Variants in SLC4A1 observed in about 807,000 individuals in gnomAD.
The protein encoded by SLC4A1 is solute carrier family 4 member 1 (Diego blood group).
A neutral mutation model predicts 93.1 loss-of-function variants in SLC4A1; 29 were observed. That is an observed-to-expected ratio of 0.31 (90% CI 0.23 to 0.42). The LOEUF (loss-of-function observed/expected upper bound fraction) is 0.42. Among genes scored for constraint, SLC4A1 ranks in the 20% least tolerant of loss-of-function variants. The pLI, the probability that SLC4A1 is intolerant of heterozygous loss-of-function variation, is 1.00. For synonymous variants in SLC4A1, 469 were observed against 497.2 expected, an observed-to-expected ratio of 0.94 and a Z score of 0.76; for missense variants, 965 against 1,190.1, an observed-to-expected ratio of 0.81 and a Z score of 2.78.
At position 44,260,694 on chromosome 17, in the gene SLC4A1, G is replaced by A. The variant is rs879167300; in HGVS notation, c.290C>T (p.Pro97Leu). The A allele has an allele frequency of 3.7e-6, 6 of 1,614,020 alleles. No homozygotes were observed. In the African/African-American group the frequency reaches 5.3e-5, roughly 14 times the overall value. Residue 97 changes from proline (P) to leucine (L), a missense_variant, in exon 5 of 20, where the codon CCG becomes CTG. Physicochemically the swap from Pro to Leu is moderately conservative, Grantham distance 98. Transcript: ENST00000262418. ...NLGENGAWGR[P>L]HLSHLTFWSL... The stretch of plus-strand genomic sequence containing the variant: ...CCAGAAGGTGAGGTGAGAGAGGTGC[G>A]GGCGGCCCCAGGCCCCATTCTCCCC...
chr17:44,261,773 C>G (rs550178580), intron 3 of SLC4A1, 137 bp from the exon 4 acceptor site: 4 of 1,495,370 alleles, frequency 2.7e-6, no homozygotes, highest in Non-Finnish European at 2.8e-6. Context: ...TCTCTGGTGC[C>G]GCATCCCACA....
chr17:44,261,913 G>A, intron 3 of SLC4A1: 1 of 1,077,726 alleles, frequency 9.3e-7, no homozygotes, highest in Admixed American at 3.1e-5. Flanking sequence ...GTGATGAAGT[G>A]AAGGGACCTC....
At position 44,258,288 on chromosome 17, in the gene SLC4A1, G is replaced by T. The variant is rs1003424006; in HGVS notation, c.1088-108C>A. 1.3e-5 allele frequency: 19 copies of T among 1,418,874 alleles called. No homozygotes were observed. The highest frequency in any genetic ancestry group is 1.9e-5 in the Non-Finnish European group (19 of 1,004,876). The allele number at this position is 1,418,874 out of a possible 1,614,324, so 87.9% of individuals were successfully genotyped here. ...TGTCTGATGGGAATGGGGCGGCGAAGAAGTCTGGAAGATGTGGGCAAAGGG... is the reference window on the plus strand; with the variant it reads ...TGTCTGATGGGAATGGGGCGGCGAATAAGTCTGGAAGATGTGGGCAAAGGG... On this transcript the variant is annotated intron_variant, in intron 10 of 19. Transcript: ENST00000262418. The surrounding 1 kb of genome is among the most constrained non-coding windows in gnomAD (Gnocchi z 6.1).
At chr17:44,260,916 C>G in intron 4 of SLC4A1, 101 bp from the exon 5 acceptor site, 1 of 1,372,096 alleles carries the variant, frequency 7.3e-7, no homozygotes, top group Non-Finnish European at 1.0e-6. Context: ...AGGCTTGGAT[C>G]CCTGTGCTCA....
intron 17 of SLC4A1, 134 bp from the exon 18 acceptor site, chr17:44,251,722 TTTTTTTTTTTTTTTTTTG>T: frequency 1.7e-6 from 1 of 578,508 alleles, no homozygotes; most frequent in Non-Finnish European, 2.9e-6. Context: ...TTTCTTTTCT[TTTTTTTTTTTTTTTTTTG>T]TTTTTTTTTT....
In SLC4A1 at chr17:44,257,567, C is replaced by T. The variant is rs186492140; in HGVS notation, c.1432-23G>A. ...GAACTGCAGGGTGGTCAGAAGAAGC[C>T]GGTCAGTCAAAGGGTCTTGGGGCAA... On this transcript the variant is annotated intron_variant, in intron 12 of 19. Transcript: ENST00000262418. 8.9e-5 allele frequency: 144 copies of T among 1,613,664 alleles called. No individual in the cohort carries two copies. In the East Asian group the frequency reaches 2.3e-3, roughly 25 times the overall value.
At chr17:44,262,277 C>T (rs891594355) in intron 3 of SLC4A1, among the ~76,000 whole-genome samples, 2 of 152,160 alleles carry the variant, frequency 1.3e-5, no homozygotes, top group Non-Finnish European at 2.9e-5. Context: ...AGGAGGGTCC[C>T]CACAAGCCCC....
At chr17:44,265,765 C>T (rs558678913) in intron 1 of SLC4A1, among the ~76,000 whole-genome samples, 3 of 152,130 alleles carry the variant, frequency 2.0e-5, no homozygotes, top group South Asian at 4.2e-4. Flanking sequence ...GAAAATGCCA[C>T]GTGAGGGCAT....
At position 44,250,445 on chromosome 17, in the gene SLC4A1, C is replaced by T. The variant is rs765505487; in HGVS notation, c.*13G>A. On this transcript the variant is annotated 3_prime_UTR_variant, in exon 20 of 20. Transcript: ENST00000262418. ...GGAATGGTGGGGGAGGGTCTAGGGC[C>T]TGGGCCCGCCCCTCACACAGGCATG... 6.2e-7 allele frequency: 1 copy of T among 1,605,034 alleles called. No homozygotes were observed. Among genetic ancestry groups the T allele is most frequent in the South Asian group, 1.1e-5 (1 of 90,884 alleles).
chr17:44,258,494 C>G lies in SLC4A1; in HGVS notation c.1006G>C (p.Val336Leu). 6.2e-7 allele frequency: 1 copy of G among 1,613,988 alleles called. No individual in the cohort carries two copies. Among genetic ancestry groups the G allele is most frequent in the Admixed American group, 1.7e-5 (1 of 60,018 alleles). Residue 336 changes from valine (V) to leucine (L), a missense_variant, in exon 10 of 20, where the codon GTG (valine) becomes CTG (leucine). Around this residue, in one of 2 missense-constraint regions of SLC4A1, gnomAD observed 770 missense variants for 1,006.6 expected, o/e 0.76. Transcript: ENST00000262418. The surrounding 1 kb of genome is among the most constrained non-coding windows in gnomAD (Gnocchi z 6.1). ...APSEQALLSL[V>L]PVQRELLRRR... ...CGAAGTAGCTCCCTCTGCACAGGCACCAGACTGAGCAGTGCCTGCTCGGAG... is the reference window on the plus strand; with the variant it reads ...CGAAGTAGCTCCCTCTGCACAGGCAGCAGACTGAGCAGTGCCTGCTCGGAG...
chr17:44,261,966 C>G (rs1449389595), intron 3 of SLC4A1: 1 of 1,212,656 alleles, frequency 8.2e-7, no homozygotes, highest in Non-Finnish European at 1.0e-6. Flanking sequence ...TTTCAGGATC[C>G]TCCTAGGACC....
intron 13 of SLC4A1, 43 bp from the exon 14 acceptor site, chr17:44,255,889 G>T: frequency 1.2e-6 from 2 of 1,605,998 alleles, no homozygotes; most frequent in Middle Eastern, 1.7e-4. Flanking sequence ...CCCAGCTTTG[G>T]CTTGGGCTGG....
chr17:44,265,048 T>TGCCGAGCACTGGGGGCTGTGGGAGGGGGG (rs2047484200), intron 1 of SLC4A1, among the ~76,000 whole-genome samples: 1 of 44,896 alleles, frequency 2.2e-5, no homozygotes, highest in African/African-American at 9.5e-5. Context: ...TGGGAGGGGG[T>TGCCGAGCACTGGGGGCTGTGGGAGGGGGG]GCCGAGCACT....
At position 44,251,300 on chromosome 17, in the gene SLC4A1, G is replaced by A; in HGVS notation, c.2514C>T (p.Gly838=). Residue 838 remains glycine, a synonymous_variant, in exon 19 of 20, where the codon GGC becomes GGT. Transcript: ENST00000262418. ...VKTWRMHLFT[G]IQIICLAVLW... Reference sequence around the variant, plus strand: ...GCACTGCCAGGCAGATGATCTGGATGCCCGTGAATAAGTGCATGCGCCAGG... The same window carrying A: ...GCACTGCCAGGCAGATGATCTGGATACCCGTGAATAAGTGCATGCGCCAGG... 6.2e-7 allele frequency: 1 copy of A among 1,614,218 alleles called. No homozygotes were observed. Among genetic ancestry groups the A allele is most frequent in the South Asian group, 1.1e-5 (1 of 91,090 alleles).
intron 13 of SLC4A1, 26 bp from the exon 14 acceptor site, chr17:44,255,872 G>A (rs745815149): frequency 4.3e-6 from 7 of 1,613,556 alleles, no homozygotes; most frequent in Admixed American, 1.7e-5. Context: ...AAGGCATTCT[G>A]TTCTCTCCCA....
In SLC4A1 at chr17:44,257,485, G is replaced by C; in HGVS notation, c.1491C>G (p.Leu497=). The stretch of plus-strand genomic sequence containing the variant: ...CCACCACCAACACCACCAGCAGGAT[G>C]AGCCAGAAGCCGATCCACACGCGGC... The part of the protein sequence containing the change: ...IVGRVWIGFW[L]ILLVVLVVAF... Residue 497 remains leucine (L), a synonymous_variant, in exon 13 of 20, where the codon CTC becomes CTG. Transcript: ENST00000262418. 1 of 1,614,114 alleles carries C rather than the reference G, an allele frequency of 6.2e-7. No individual in the cohort carries two copies. The highest frequency in any genetic ancestry group is 1.3e-5 in the African/African-American group (1 of 75,010).
rs1165524790 is a variant in SLC4A1, at chr17:44,249,363, C to T, written c.*1095G>A. 1 of 306,448 alleles carries T rather than the reference C, an allele frequency of 3.3e-6. No individual in the cohort carries two copies. Among genetic ancestry groups the T allele is most frequent in the Non-Finnish European group, 6.4e-6 (1 of 157,214 alleles). The allele number at this position is 306,448 out of a possible 1,614,324, so 19.0% of individuals were successfully genotyped here. A position where few individuals can be genotyped will look rare whatever the true frequency, so the allele number is the denominator to read the frequency against. On this transcript the variant is annotated 3_prime_UTR_variant, in exon 20 of 20. Coordinates refer to ENST00000262418, the MANE Select transcript of SLC4A1 (RefSeq NM_000342.4). Reference sequence around the variant, plus strand: ...TTAGATGGAGTTGAGGATAATGGCTCTCAAATGAGGGGCCTGAAGTTGTGT... The same window carrying T: ...TTAGATGGAGTTGAGGATAATGGCTTTCAAATGAGGGGCCTGAAGTTGTGT...
Position 44,260,758 on chromosome 17 carries a change from T to G in SLC4A1, c.226A>C (p.Met76Leu), listed in dbSNP as rs752316872. The change falls in exon 5 of 20, where the codon ATG (methionine) becomes CTG (leucine). Residue 76 changes from methionine (M) to leucine (L), a missense_variant. Physicochemically the swap from Met to Leu is conservative, Grantham distance 15 (BLOSUM62 2). Transcript: ENST00000262418. ...AGTTGCACCCAGCGCGCCGCCTCCA[T>G]CCATCTCAGCTCCTGGTTCTTTTCG... Reference protein sequence around the residue: ...MDEKNQELRWMEAARWVQLEE... With the variant: ...MDEKNQELRWLEAARWVQLEE... 1.2e-6 allele frequency: 2 copies of G among 1,614,030 alleles called. No individual in the cohort carries two copies. The highest frequency in any genetic ancestry group is 1.7e-6 in the Non-Finnish European group (2 of 1,180,024).
In SLC4A1 at chr17:44,260,761, A is replaced by G. The variant is rs757668165; in HGVS notation, c.223T>C (p.Trp75Arg). ...TGCACCCAGCGCGCCGCCTCCATCC[A>G]TCTCAGCTCCTGGTTCTTTTCGTCC... ...VMDEKNQELR[W>R]MEAARWVQLE... Residue 75 changes from tryptophan (W) to arginine (R), a missense_variant, in exon 5 of 20, where the codon TGG (tryptophan) becomes CGG (arginine). Transcript: ENST00000262418. The G allele has an allele frequency of 6.2e-7, 1 of 1,613,954 alleles. No homozygotes were observed. The highest frequency in any genetic ancestry group is 1.1e-5 in the South Asian group (1 of 91,086).
Sources: allele counts gnomAD v4.1 joint callset (sites outside exome capture counted in the v4.1 genomes callset), GRCh38; gene constraint gnomAD v4.1.1; regional missense constraint gnomAD v4.1.1; non-coding constraint Gnocchi (gnomAD v3.1); transcripts MANE v1.5; gene names NCBI Gene and HGNC (gene_info 2026-07-23, HGNC 2026-07-21).